KCNIP4: variants seen among roughly 807,000 people sequenced by gnomAD.
The protein encoded by KCNIP4 is potassium voltage-gated channel interacting protein 4, also known as Kv channel-interacting protein 4.
Under a neutral mutation model 34.0 loss-of-function variants are expected in KCNIP4, and 12 were observed. That is an observed-to-expected ratio of 0.35 (90% CI 0.23 to 0.57). The LOEUF (loss-of-function observed/expected upper bound fraction) is 0.57, where lower values mean the gene tolerates loss of function less well. Ranked by LOEUF, KCNIP4 falls within the 20% of genes least tolerant of loss-of-function variation. The probability of loss-of-function intolerance (pLI) is 0.83; values close to 1 mark genes in which losing one functional copy is unlikely to be tolerated. For missense variants in KCNIP4, 238 were observed against 311.7 expected, an observed-to-expected ratio of 0.76 and a Z score of 1.78; for synonymous variants, 124 against 102.2, an observed-to-expected ratio of 1.21 and a Z score of -1.29.
intron 1 of KCNIP4, among the ~76,000 whole-genome samples, chr4:20,991,048 T>C (rs866712998): frequency 5.3e-5 from 8 of 152,312 alleles, no homozygotes; most frequent in African/African-American, 9.6e-5. Context: ...ATCAGAATGC[T>C]GAGATGCAAA....
At chr4:21,090,255 G>A (rs1225914465) in intron 1 of KCNIP4, among the ~76,000 whole-genome samples, 1 of 152,162 alleles carries the variant, frequency 6.6e-6, no homozygotes, top group Non-Finnish European at 1.5e-5. Flanking sequence ...AGCTCCATAA[G>A]GGTAACTATC....
Position 20,761,383 on chromosome 4 carries a change from G to A in KCNIP4, c.289-2493C>T, listed in dbSNP as rs193206482. 3.3e-5 allele frequency among the ~76,000 whole-genome samples: 5 copies of A among 152,126 alleles called. No homozygotes were observed. In the South Asian group the frequency reaches 6.2e-4, roughly 19 times the overall value. On this transcript the variant is annotated intron_variant, in intron 3 of 8. Transcript: ENST00000382152. Reference sequence around the variant, plus strand: ...AACCAATAGCTACAACTCCAAAGGTGGTATGTATACAGCTAATCTCTCAAA... The same window carrying A: ...AACCAATAGCTACAACTCCAAAGGTAGTATGTATACAGCTAATCTCTCAAA...
chr4:20,842,516 T>C (rs752493315), intron 3 of KCNIP4, among the ~76,000 whole-genome samples: 3 of 138,866 alleles, frequency 2.2e-5, no homozygotes, highest in South Asian at 2.2e-4. Context: ...ATCTGACTTA[T>C]AGTAGATGTT....
chr4:21,443,239 C>G (rs1373376883), intron 1 of KCNIP4, among the ~76,000 whole-genome samples: 7 of 152,174 alleles, frequency 4.6e-5, no homozygotes, highest in Non-Finnish European at 1.0e-4. Context: ...AGAGCCTCCA[C>G]TAGCTTCTCA....
chr4:21,354,216 G>A lies in KCNIP4; in HGVS notation c.62-471507C>T, dbSNP rs553327556. On this transcript the variant is annotated intron_variant, in intron 1 of 8. Transcript: ENST00000382152. ...AACATGCCAAATTGTAAAGACCATCGATGCTATGAAGAAACTGCATCAATT... is the reference window on the plus strand; with the variant it reads ...AACATGCCAAATTGTAAAGACCATCAATGCTATGAAGAAACTGCATCAATT... Among the ~76,000 whole-genome samples the A allele has an allele frequency of 1.8e-4, 27 of 152,222 alleles. 1 individual carries two copies. The South Asian group carries it at 4.8e-3, about 27-fold the overall frequency.
At chr4:21,338,367 A>T (rs1716398291) in intron 1 of KCNIP4, among the ~76,000 whole-genome samples, 1 of 151,796 alleles carries the variant, frequency 6.6e-6, no homozygotes, top group Admixed American at 6.6e-5. Flanking sequence ...GTGACATGGG[A>T]ACCTGGAAAA....
intron 1 of KCNIP4, among the ~76,000 whole-genome samples, chr4:21,690,901 T>C (rs1711557727): frequency 6.6e-6 from 1 of 152,216 alleles, no homozygotes; most frequent in African/African-American, 2.4e-5. Flanking sequence ...ACTTTACTTC[T>C]GGAATGTAAA....
intron 1 of KCNIP4, among the ~76,000 whole-genome samples, chr4:21,610,265 G>A (rs1422070696): frequency 6.6e-6 from 1 of 152,176 alleles, no homozygotes; most frequent in Non-Finnish European, 1.5e-5. Context: ...CAGTGGGGTA[G>A]GTTACTTCTG....
At chr4:21,931,270 GT>G (rs756746838) in intron 1 of KCNIP4, among the ~76,000 whole-genome samples, 2 of 147,830 alleles carry the variant, frequency 1.4e-5, no homozygotes, top group East Asian at 3.9e-4. Context: ...CCTTTTCTTT[GT>G]TTTTTTTAAA....
intron 1 of KCNIP4, among the ~76,000 whole-genome samples, chr4:21,432,137 T>TAC (rs1560399665): frequency 2.7e-5 from 3 of 112,220 alleles, no homozygotes; most frequent in Non-Finnish European, 1.9e-5. Flanking sequence ...TATATATATA[T>TAC]ACAATCTCCT....
At chr4:21,458,969 T>G (rs1394065054) in intron 1 of KCNIP4, among the ~76,000 whole-genome samples, 1 of 152,048 alleles carries the variant, frequency 6.6e-6, no homozygotes, top group Non-Finnish European at 1.5e-5. Context: ...TACATCCCCT[T>G]TCACCTGCTC....
At chr4:21,296,977 T>C (rs989353624) in intron 1 of KCNIP4, among the ~76,000 whole-genome samples, 6 of 151,810 alleles carry the variant, frequency 4.0e-5, no homozygotes, top group Non-Finnish European at 8.8e-5. Context: ...TGTGTGTATA[T>C]ATTTATATAT....
intron 2 of KCNIP4, among the ~76,000 whole-genome samples, chr4:20,853,072 A>AAATTC (rs1331604046): frequency 6.6e-6 from 1 of 152,174 alleles, no homozygotes; most frequent in Non-Finnish European, 1.5e-5. Flanking sequence ...AGCAATCTAC[A>AAATTC]AATTCAACAT....
chr4:20,785,131 A>G (rs1711784530), intron 3 of KCNIP4, among the ~76,000 whole-genome samples: 1 of 152,128 alleles, frequency 6.6e-6, no homozygotes, highest in South Asian at 2.1e-4. Flanking sequence ...GGGCTAGCCA[A>G]GCATCCCACA....
intron 1 of KCNIP4, among the ~76,000 whole-genome samples, chr4:21,450,437 A>T (rs1481158497): frequency 6.6e-6 from 1 of 152,172 alleles, no homozygotes; most frequent in African/African-American, 2.4e-5. Flanking sequence ...CACAATCAAT[A>T]TTAAAGACAA....
chr4:21,680,036 A>G (rs1750218141), intron 1 of KCNIP4, among the ~76,000 whole-genome samples: 1 of 152,196 alleles, frequency 6.6e-6, no homozygotes, highest in Non-Finnish European at 1.5e-5. Context: ...TGTCATATTG[A>G]TTGACTCTTT....
chr4:21,594,516 G>A (rs1403490882), intron 1 of KCNIP4, among the ~76,000 whole-genome samples: 1 of 151,978 alleles, frequency 6.6e-6, no homozygotes, highest in Non-Finnish European at 1.5e-5. Flanking sequence ...AATTCTCAGG[G>A]CAATACTTGG....
In KCNIP4 at chr4:21,301,545, A is replaced by G. The variant is rs1472162947; in HGVS notation, c.62-418836T>C. Among the ~76,000 whole-genome samples, 3 of 152,334 alleles carry G rather than the reference A, an allele frequency of 2.0e-5. No homozygotes were observed. In the East Asian group the frequency reaches 5.8e-4, roughly 29 times the overall value. Reference sequence around the variant, plus strand: ...AATAAGAAAGGTGAAATAAATCATTATCTTCTGAACTTAGACATGCAAAAT... The same window carrying G: ...AATAAGAAAGGTGAAATAAATCATTGTCTTCTGAACTTAGACATGCAAAAT... On this transcript the variant is annotated intron_variant, in intron 1 of 8. Transcript: ENST00000382152.
At chr4:20,738,145 A>T (rs995958634) in intron 5 of KCNIP4, among the ~76,000 whole-genome samples, 3 of 151,860 alleles carry the variant, frequency 2.0e-5, no homozygotes, top group Non-Finnish European at 4.4e-5. Flanking sequence ...AAAAAAAAAA[A>T]TCCTTAGCTT....
Sources: allele counts gnomAD v4.1 joint callset (sites outside exome capture counted in the v4.1 genomes callset), GRCh38; gene constraint gnomAD v4.1.1; transcripts MANE v1.5; gene names NCBI Gene and HGNC (gene_info 2026-07-23, HGNC 2026-07-21).